The following NRXN1 variants were observed in gnomAD, a reference collection of about 807,000 sequenced individuals.
The protein encoded by NRXN1 is neurexin 1, also known as neurexin-1.
Under a neutral mutation model 150.9 loss-of-function variants are expected in NRXN1, and 39 were observed. That is an observed-to-expected ratio of 0.26 (90% confidence interval 0.20 to 0.34). NRXN1 has a LOEUF of 0.34. Ranked by LOEUF, NRXN1 falls within the 10% of genes least tolerant of loss-of-function variation. The probability of loss-of-function intolerance (pLI) is 1.00; values close to 1 mark genes in which losing one functional copy is unlikely to be tolerated. For missense variants in NRXN1, 1,815 were observed against 1,949.9 expected, an observed-to-expected ratio of 0.93 and a Z score of 1.30; for synonymous variants, 924 against 757.0, an observed-to-expected ratio of 1.22 and a Z score of -3.62.
Position 50,528,642 on chromosome 2 carries a change from C to G in NRXN1, c.2357G>C (p.Arg786Thr). The change falls in exon 12 of 23, where the codon AGG (arginine) becomes ACG (threonine). Residue 786 changes from arginine to threonine, a missense_variant. By Grantham distance (71) the Arg-to-Thr change is moderately conservative. Coordinates refer to ENST00000401669, the MANE Select transcript of NRXN1 (RefSeq NM_001330078.2). ...VKLTVNLDCI[R>T]INCNSSKGPE... is the part of the protein sequence containing the mutation. Reference sequence around the variant, plus strand: ...GCACTTACTGGAATTACAGTTAATCCTGATACAATCTAGATGGGGAAGAAT... The same window carrying G: ...GCACTTACTGGAATTACAGTTAATCGTGATACAATCTAGATGGGGAAGAAT... 2 of 1,546,798 alleles carry G rather than the reference C, an allele frequency of 1.3e-6. No homozygotes were observed. Among genetic ancestry groups the G allele is most frequent in the Non-Finnish European group, 1.8e-6 (2 of 1,127,070 alleles).
intron 18 of NRXN1, among the ~76,000 whole-genome samples, chr2:50,209,293 T>C (rs1338110115): frequency 6.6e-6 from 1 of 152,158 alleles, no homozygotes; most frequent in Non-Finnish European, 1.5e-5. Context: ...AGATTTAATA[T>C]ATGGCCAAAT....
intron 21 of NRXN1, among the ~76,000 whole-genome samples, chr2:49,968,344 T>C (rs1367959571): frequency 6.6e-6 from 1 of 152,116 alleles, no homozygotes; most frequent in African/African-American, 2.4e-5. Flanking sequence ...AGAGAATGAA[T>C]ACAAACTAAA....
chr2:50,355,939 A>G (rs1021136071), intron 17 of NRXN1, among the ~76,000 whole-genome samples: 1 of 152,164 alleles, frequency 6.6e-6, no homozygotes, highest in African/African-American at 2.4e-5. Flanking sequence ...ATTATCTAAA[A>G]TATATAAGAA....
At chr2:49,985,180 T>C (rs1680690154) in intron 21 of NRXN1, among the ~76,000 whole-genome samples, 1 of 152,058 alleles carries the variant, frequency 6.6e-6, no homozygotes, top group South Asian at 2.1e-4. Context: ...TAAGATAAAA[T>C]ATAACACCTA....
rs756908062 is a variant in NRXN1, at chr2:51,027,673, C to T, written c.601G>A (p.Glu201Lys). ...SSQVLPVDSGEVKLDDEPPNS... is the reference protein window; with the variant it reads ...SSQVLPVDSGKVKLDDEPPNS... ...GGCGGCTCATCGTCCAGCTTCACCT[C>T]GCCGCTGTCCACGGGCAGGACCTGC... Residue 201 changes from glutamate (E) to lysine (K), a missense_variant, in exon 2 of 23, where the codon GAG becomes AAG. Transcript: ENST00000401669. 3 of 1,602,746 alleles carry T rather than the reference C, an allele frequency of 1.9e-6. No homozygotes were observed. Among genetic ancestry groups the T allele is most frequent in the Non-Finnish European group, 1.7e-6 (2 of 1,174,722 alleles).
chr2:50,594,237 T>A (rs1674781065), intron 8 of NRXN1, among the ~76,000 whole-genome samples: 1 of 152,230 alleles, frequency 6.6e-6, no homozygotes. Flanking sequence ...CAACTATAGA[T>A]ATTCCCATAC....
At chr2:50,582,186 T>A (rs1672369317) in intron 8 of NRXN1, among the ~76,000 whole-genome samples, 1 of 152,124 alleles carries the variant, frequency 6.6e-6, no homozygotes, top group African/African-American at 2.4e-5. Context: ...TGATTTGAAA[T>A]ATTAGTTTAA....
At chr2:50,942,185 A>G (rs769831781) in intron 2 of NRXN1, among the ~76,000 whole-genome samples, 1 of 152,180 alleles carries the variant, frequency 6.6e-6, no homozygotes, top group Non-Finnish European at 1.5e-5. Flanking sequence ...ACAAGAGTTG[A>G]GCTTTGGAGC....
chr2:50,866,405 T>G (rs969142940), intron 5 of NRXN1, among the ~76,000 whole-genome samples: 2 of 151,968 alleles, frequency 1.3e-5, no homozygotes, highest in Non-Finnish European at 2.9e-5. Context: ...TATTATCCAA[T>G]GCTGAAATCA....
chr2:50,859,914 C>T (rs939525157), intron 5 of NRXN1, among the ~76,000 whole-genome samples: 1 of 151,024 alleles, frequency 6.6e-6, no homozygotes, highest in African/African-American at 2.4e-5. Context: ...TATCTGTATA[C>T]ATTTCTATGT....
chr2:50,450,174 C>G (rs2104525049), intron 17 of NRXN1, among the ~76,000 whole-genome samples: 1 of 152,204 alleles, frequency 6.6e-6, no homozygotes, highest in African/African-American at 2.4e-5. Flanking sequence ...CAGTATCTCC[C>G]TTGTGTGAAA....
At chr2:50,476,208 C>T (rs1273646960) in intron 15 of NRXN1, among the ~76,000 whole-genome samples, 2 of 152,008 alleles carry the variant, frequency 1.3e-5, no homozygotes, top group Non-Finnish European at 2.9e-5. Flanking sequence ...CAATAATACC[C>T]TTATTTTTAG....
At chr2:50,467,446 C>T (rs1373017774) in intron 16 of NRXN1, among the ~76,000 whole-genome samples, 1 of 151,432 alleles carries the variant, frequency 6.6e-6, no homozygotes. Flanking sequence ...CTCTGAGGTG[C>T]CTGCTTTAGT....
At chr2:50,121,221 C>G (rs755301407) in intron 18 of NRXN1, among the ~76,000 whole-genome samples, 2 of 152,052 alleles carry the variant, frequency 1.3e-5, no homozygotes, top group Non-Finnish European at 1.5e-5. Flanking sequence ...CCGGGTTTCG[C>G]CATGTTGGCC....
intron 17 of NRXN1, among the ~76,000 whole-genome samples, chr2:50,307,347 A>G (rs1438653167): frequency 1.3e-5 from 2 of 152,134 alleles, no homozygotes; most frequent in Non-Finnish European, 2.9e-5. Flanking sequence ...GACATGTCAA[A>G]TTAGGAAGGA....
chr2:49,972,542 T>G (rs1678138035), intron 21 of NRXN1: 1 of 152,150 alleles, frequency 6.6e-6, no homozygotes, highest in African/African-American at 2.4e-5. Flanking sequence ...AGTTTAGTAT[T>G]AATTGCCACT....
At chr2:50,651,127 A>C (rs1448207337) in intron 5 of NRXN1, among the ~76,000 whole-genome samples, 7 of 152,036 alleles carry the variant, frequency 4.6e-5, no homozygotes, top group African/African-American at 1.7e-4. Flanking sequence ...AGGTCCTTGA[A>C]ATTAAGTTCT....
At chr2:50,947,138 A>T (rs922447053) in intron 2 of NRXN1, among the ~76,000 whole-genome samples, 1 of 152,136 alleles carries the variant, frequency 6.6e-6, no homozygotes, top group African/African-American at 2.4e-5. Context: ...ATTTTTGTCC[A>T]GTCATGTATT....
At chr2:50,818,681 A>G (rs1025766803) in intron 5 of NRXN1, among the ~76,000 whole-genome samples, 1 of 152,056 alleles carries the variant, frequency 6.6e-6, no homozygotes, top group Non-Finnish European at 1.5e-5. Flanking sequence ...AAATAAGACT[A>G]CATTAAACTA....
Sources: allele counts gnomAD v4.1 joint callset (sites outside exome capture counted in the v4.1 genomes callset), GRCh38; gene constraint gnomAD v4.1.1; transcripts MANE v1.5; gene names NCBI Gene and HGNC (gene_info 2026-07-23, HGNC 2026-07-21).